The following PTPRD variants were observed in gnomAD, a reference collection of about 807,000 sequenced individuals.
PTPRD encodes receptor-type tyrosine-protein phosphatase delta.
Under a neutral mutation model 214.5 loss-of-function variants are expected in PTPRD, and 34 were observed. The ratio of observed to expected loss-of-function variants is 0.16; its 90% confidence interval spans 0.12 to 0.21. PTPRD has a LOEUF of 0.21. Among genes scored for constraint, PTPRD ranks in the 10% least tolerant of loss-of-function variants. PTPRD has a pLI of 1.00. For synonymous variants in PTPRD, 1,128 were observed against 845.7 expected, an observed-to-expected ratio of 1.33 and a Z score of -5.79; for missense variants, 2,545 against 2,398.7, an observed-to-expected ratio of 1.06 and a Z score of -1.27.
chr9:8,543,175 C>A (rs555411612), intron 14 of PTPRD, among the ~76,000 whole-genome samples: 1 of 152,224 alleles, frequency 6.6e-6, no homozygotes, highest in East Asian at 1.9e-4. Flanking sequence ...TGTAATAAAA[C>A]CTTTTTCTTA....
chr9:8,722,382 T>C (rs1473853929), intron 12 of PTPRD, among the ~76,000 whole-genome samples: 1 of 152,194 alleles, frequency 6.6e-6, no homozygotes. Context: ...TAACACCATG[T>C]ACTATTTTAG....
At chr9:8,920,691 C>T (rs575878138) in intron 11 of PTPRD, among the ~76,000 whole-genome samples, 18 of 152,330 alleles carry the variant, frequency 1.2e-4, no homozygotes, top group African/African-American at 4.3e-4. Flanking sequence ...GGCCCATGGG[C>T]CGTGGGTTGG....
intron 3 of PTPRD, among the ~76,000 whole-genome samples, chr9:10,048,802 T>G (rs537193765): frequency 6.6e-6 from 1 of 152,218 alleles, no homozygotes; most frequent in Non-Finnish European, 1.5e-5. Context: ...CAAGTGTTTC[T>G]TTCACTAAAA....
At chr9:9,221,488 C>A (rs1483625902) in intron 9 of PTPRD, among the ~76,000 whole-genome samples, 1 of 152,032 alleles carries the variant, frequency 6.6e-6, no homozygotes, top group East Asian at 1.9e-4. Context: ...TGTCTGGAGG[C>A]TGGGAAGCCT....
intron 12 of PTPRD, among the ~76,000 whole-genome samples, chr9:8,681,452 T>C (rs2097547946): frequency 6.6e-6 from 1 of 152,210 alleles, no homozygotes; most frequent in African/African-American, 2.4e-5. Context: ...ACCAAGAAGC[T>C]GCTAGAACTT....
At chr9:8,441,245 T>C (rs1355929640) in intron 34 of PTPRD, among the ~76,000 whole-genome samples, 1 of 152,134 alleles carries the variant, frequency 6.6e-6, no homozygotes, top group Admixed American at 6.5e-5. Context: ...AAAACAGCCA[T>C]AAGCGTGACA....
At chr9:8,331,385 G>T (rs1356980425) in intron 44 of PTPRD, among the ~76,000 whole-genome samples, 197 bp downstream of exon 44, 1 of 147,472 alleles carries the variant, frequency 6.8e-6, no homozygotes. Context: ...ACATTTTTTT[G>T]GGGCTAAACA....
intron 3 of PTPRD, among the ~76,000 whole-genome samples, chr9:10,252,475 T>C (rs2092870873): frequency 6.6e-6 from 1 of 152,064 alleles, no homozygotes; most frequent in South Asian, 2.1e-4. Context: ...ACCAGCCTCC[T>C]CCATTGTCTC....
chr9:8,843,937 C>T (rs991723097), intron 11 of PTPRD, among the ~76,000 whole-genome samples: 2 of 152,174 alleles, frequency 1.3e-5, no homozygotes, highest in African/African-American at 4.8e-5. Context: ...GAGGTTTACT[C>T]TCAGGTCCTT....
chr9:8,554,147 C>A (rs1377959714), intron 14 of PTPRD, among the ~76,000 whole-genome samples: 1 of 152,100 alleles, frequency 6.6e-6, no homozygotes, highest in East Asian at 1.9e-4. Flanking sequence ...AAGATCATGC[C>A]ATTGCATTCC....
At chr9:8,817,256 ACACT>A (rs1269895220) in intron 11 of PTPRD, among the ~76,000 whole-genome samples, 1 of 152,214 alleles carries the variant, frequency 6.6e-6, no homozygotes, top group South Asian at 2.1e-4. Context: ...TAGTAATCTG[ACACT>A]CAGCTCCAGA....
At chr9:8,933,933 A>C (rs2098971482) in intron 11 of PTPRD, among the ~76,000 whole-genome samples, 1 of 152,142 alleles carries the variant, frequency 6.6e-6, no homozygotes, top group Non-Finnish European at 1.5e-5. Context: ...CTCCTTTCCC[A>C]GTACCAAAAC....
Position 8,682,874 on chromosome 9 carries a change from GTTGT to G in PTPRD, c.65-46034_65-46031del, listed in dbSNP as rs890910282. On this transcript the variant is annotated intron_variant, in intron 12 of 45. Transcript: ENST00000381196. ...GGTTTTTGCTGTTCCTTTCTGAGTT[GTTGT>G]TTATTTTTTTGTAAGCGAGTTTCTG... Among the ~76,000 whole-genome samples the G allele has an allele frequency of 6.0e-4, 91 of 152,078 alleles. 1 individual carries two copies. The highest frequency in any genetic ancestry group is 1.5e-3 in the Admixed American group (23 of 15,268).
rs894091694 is a variant in PTPRD, at chr9:8,316,752, G to A, written c.*1122C>T. 2.4e-4 allele frequency: 55 copies of A among 230,922 alleles called. No individual in the cohort carries two copies. Among genetic ancestry groups the A allele is most frequent in the African/African-American group, 6.2e-4 (28 of 44,840 alleles). 14.3% of individuals were successfully genotyped at this position (230,922 alleles called of 1,614,324 possible). On this transcript the variant is annotated 3_prime_UTR_variant, in exon 46 of 46. Transcript: ENST00000381196. ...GGTAGATTAGGTAGGAAATCAGGGG[G>A]TGAGGTTTGACAATCAATCACTGAT...
intron 11 of PTPRD, among the ~76,000 whole-genome samples, chr9:8,769,058 A>G (rs2094988729): frequency 6.6e-6 from 1 of 152,220 alleles, no homozygotes; most frequent in African/African-American, 2.4e-5. Flanking sequence ...GTGTTAGCAT[A>G]ACGCCAACTT....
At chr9:9,602,808 C>T (rs923419393) in intron 7 of PTPRD, among the ~76,000 whole-genome samples, 5 of 151,984 alleles carry the variant, frequency 3.3e-5, no homozygotes, top group Admixed American at 3.3e-4. Context: ...TATAATGAGG[C>T]CTACGATGCC....
At chr9:9,057,530 A>G (rs1323254999) in intron 10 of PTPRD, among the ~76,000 whole-genome samples, 1 of 152,232 alleles carries the variant, frequency 6.6e-6, no homozygotes, top group African/African-American at 2.4e-5. Flanking sequence ...ATTTAAGAAT[A>G]AGAATCACAT....
intron 14 of PTPRD, among the ~76,000 whole-genome samples, chr9:8,615,760 G>A (rs1303987852): frequency 6.6e-6 from 1 of 151,964 alleles, no homozygotes; most frequent in Non-Finnish European, 1.5e-5. Context: ...AAAATTTTGA[G>A]AGGAAAATGC....
intron 10 of PTPRD, among the ~76,000 whole-genome samples, chr9:9,098,619 A>G (rs2099787051): frequency 6.6e-6 from 1 of 152,154 alleles, no homozygotes; most frequent in African/African-American, 2.4e-5. Flanking sequence ...ATAATCTGCA[A>G]AGTTACTAAC....
Sources: allele counts gnomAD v4.1 joint callset (sites outside exome capture counted in the v4.1 genomes callset), GRCh38; gene constraint gnomAD v4.1.1; transcripts MANE v1.5; gene names NCBI Gene and HGNC (gene_info 2026-07-23, HGNC 2026-07-21).